Variants in RAB22A observed in about 807,000 individuals in gnomAD.
RAB22A encodes the protein RAB22A, member RAS oncogene family.
RAB22A carries 13 observed loss-of-function variants against 30.2 expected under a neutral mutation model. The observed-to-expected ratio is 0.43, with a 90% confidence interval of 0.28 to 0.68. RAB22A has a LOEUF of 0.68. RAB22A is among the 30% of genes least tolerant of loss of function. The pLI, the probability that RAB22A is intolerant of heterozygous loss-of-function variation, is 0.18. For synonymous variants in RAB22A, 89 were observed against 87.2 expected, an observed-to-expected ratio of 1.02 and a Z score of -0.11; for missense variants, 177 against 246.8, an observed-to-expected ratio of 0.72 and a Z score of 1.89.
intron 1 of RAB22A, 92 bp from the exon 2 acceptor site, chr20:58,310,951 T>C (rs2122916567): frequency 9.3e-7 from 1 of 1,073,074 alleles, no homozygotes; most frequent in African/African-American, 1.6e-5. Flanking sequence ...TAGGGTGATT[T>C]TTCTAAAATC....
chr20:58,349,032 A>G (rs1273259877), intron 3 of RAB22A, among the ~76,000 whole-genome samples: 1 of 152,228 alleles, frequency 6.6e-6, no homozygotes, highest in Non-Finnish European at 1.5e-5. Context: ...CACCTGATCT[A>G]GAGCCAGGTT....
At chr20:58,326,150 T>C (rs1055759126) in intron 2 of RAB22A, among the ~76,000 whole-genome samples, 10 of 152,202 alleles carry the variant, frequency 6.6e-5, no homozygotes, top group Non-Finnish European at 1.2e-4. Flanking sequence ...TGTTTTGTTT[T>C]TTTTTAACTT....
chr20:58,348,551 T>C (rs1986989612), intron 3 of RAB22A, among the ~76,000 whole-genome samples: 1 of 152,090 alleles, frequency 6.6e-6, no homozygotes, highest in Admixed American at 6.5e-5. Flanking sequence ...ACTCCATGAG[T>C]AGAAGCAAAC....
chr20:58,330,413 G>T (rs1272084474), intron 2 of RAB22A, among the ~76,000 whole-genome samples: 2 of 151,582 alleles, frequency 1.3e-5, no homozygotes, highest in Non-Finnish European at 2.9e-5. Flanking sequence ...GCTCATTCCA[G>T]CGTCTGGATC....
intron 5 of RAB22A, 118 bp downstream of exon 5, chr20:58,353,656 G>C (rs1266240103): frequency 2.2e-6 from 2 of 928,180 alleles, no homozygotes; most frequent in Non-Finnish European, 3.2e-6. Context: ...ATTCCTTTTG[G>C]TTGTGTGGTT....
At chr20:58,310,664 A>G (rs904416384) in intron 1 of RAB22A, among the ~76,000 whole-genome samples, 1 of 152,224 alleles carries the variant, frequency 6.6e-6, no homozygotes, top group Admixed American at 6.5e-5. Flanking sequence ...AGGAACTCCA[A>G]TAACTAATCT....
chr20:58,356,452 C>T (rs1408352556), intron 6 of RAB22A, among the ~76,000 whole-genome samples: 1 of 152,094 alleles, frequency 6.6e-6, no homozygotes, highest in Non-Finnish European at 1.5e-5. Context: ...GAGAGATGTA[C>T]ATAGACTTTC....
intron 2 of RAB22A, among the ~76,000 whole-genome samples, chr20:58,331,261 C>G (rs1287103938): frequency 1.6e-4 from 24 of 152,122 alleles, no homozygotes. Context: ...ATCATCCTAT[C>G]TCAAATTGCC....
At chr20:58,312,230 C>T (rs891552815) in intron 2 of RAB22A, among the ~76,000 whole-genome samples, 5 of 151,642 alleles carry the variant, frequency 3.3e-5, no homozygotes, top group African/African-American at 9.7e-5. Flanking sequence ...GCTGGGGTTA[C>T]AGGCATGAGC....
At chr20:58,349,627 C>CA (rs1987010756) in intron 3 of RAB22A, among the ~76,000 whole-genome samples, 1 of 152,216 alleles carries the variant, frequency 6.6e-6, no homozygotes, top group Non-Finnish European at 1.5e-5. Flanking sequence ...TGCTGTGTTA[C>CA]AGGGGATCAC....
At chr20:58,327,748 TTA>T in intron 2 of RAB22A, among the ~76,000 whole-genome samples, 1 of 152,216 alleles carries the variant, frequency 6.6e-6, no homozygotes, top group East Asian at 1.9e-4. Flanking sequence ...TTAACTTATT[TTA>T]TAGCATTATC....
intron 2 of RAB22A, among the ~76,000 whole-genome samples, chr20:58,330,494 T>C (rs1986644263): frequency 6.6e-6 from 1 of 152,158 alleles, no homozygotes; most frequent in Non-Finnish European, 1.5e-5. Flanking sequence ...GATTATCTAG[T>C]AGTTTTTTAT....
At chr20:58,320,771 C>T (rs370514833) in intron 2 of RAB22A, among the ~76,000 whole-genome samples, 2 of 152,168 alleles carry the variant, frequency 1.3e-5, no homozygotes, top group Non-Finnish European at 2.9e-5. Context: ...AAATCTATTG[C>T]GGGTACAGGT....
chr20:58,336,981 G>T (rs1986766998), intron 2 of RAB22A, among the ~76,000 whole-genome samples: 1 of 152,040 alleles, frequency 6.6e-6, no homozygotes, highest in South Asian at 2.1e-4. Context: ...TCATGGAATG[G>T]GACCCCCCTG....
At chr20:58,335,570 T>C (rs1412192535) in intron 2 of RAB22A, among the ~76,000 whole-genome samples, 5 of 152,188 alleles carry the variant, frequency 3.3e-5, no homozygotes, top group Non-Finnish European at 5.9e-5. Context: ...GGGGAAACTG[T>C]ATATGCATGT....
intron 2 of RAB22A, among the ~76,000 whole-genome samples, chr20:58,333,193 C>T (rs497620): frequency 0.5 from 75,981 of 151,268 alleles, 19,748 homozygotes; most frequent in South Asian, 0.68. Flanking sequence ...GGCAGGAGAA[C>T]CACTTGAACC....
rs1470574600 is a variant in RAB22A, at chr20:58,363,458, C to T, written c.*3755C>T. On this transcript the variant is annotated 3_prime_UTR_variant, in exon 7 of 7. Coordinates refer to ENST00000244040, the MANE Select transcript of RAB22A (RefSeq NM_020673.3). ...TCCAGGGAAAAATTATTGGAAATTC[C>T]TTAACTGAGCTATACTTGGTACTTG... The T allele has an allele frequency of 6.6e-6, 1 of 152,124 alleles. No individual in the cohort carries two copies. Among genetic ancestry groups the T allele is most frequent in the Non-Finnish European group, 1.5e-5 (1 of 68,030 alleles). 9.4% of individuals were successfully genotyped at this position (152,124 alleles called of 1,614,324 possible).
intron 2 of RAB22A, among the ~76,000 whole-genome samples, chr20:58,317,136 G>T (rs925532196): frequency 6.6e-6 from 1 of 151,264 alleles, no homozygotes; most frequent in African/African-American, 2.4e-5. Flanking sequence ...TGCTCTTGTC[G>T]CCCAGGCTGG....
At position 58,320,443 on chromosome 20, in the gene RAB22A, C is replaced by G. The variant is rs1198367443; in HGVS notation, c.116+9321C>G. Among the ~76,000 whole-genome samples, 3 of 152,008 alleles carry G rather than the reference C, an allele frequency of 2.0e-5. No homozygotes were observed. The East Asian group carries it at 5.8e-4, about 29-fold the overall frequency. On this transcript the variant is annotated intron_variant, in intron 2 of 6. Coordinates refer to ENST00000244040, the MANE Select transcript of RAB22A (RefSeq NM_020673.3). ...TGTTTTGGGATCTGTAGCAATACCCCCCTTCCATTTTTGATAGTGCTGATT... is the reference window on the plus strand; with the variant it reads ...TGTTTTGGGATCTGTAGCAATACCCGCCTTCCATTTTTGATAGTGCTGATT...
Sources: allele counts gnomAD v4.1 joint callset (sites outside exome capture counted in the v4.1 genomes callset), GRCh38; gene constraint gnomAD v4.1.1; transcripts MANE v1.5; gene names NCBI Gene and HGNC (gene_info 2026-07-23, HGNC 2026-07-21).